ADGRB3: variants seen among roughly 807,000 people sequenced by gnomAD.
ADGRB3 encodes the protein adhesion G protein-coupled receptor B3.
ADGRB3 carries 37 observed loss-of-function variants against 193.4 expected under a neutral mutation model. That is an observed-to-expected ratio of 0.19 (90% CI 0.15 to 0.25). The LOEUF (loss-of-function observed/expected upper bound fraction) is 0.25. ADGRB3 is among the 10% of genes least tolerant of loss of function. The pLI is 1.00. For synonymous variants in ADGRB3, 690 were observed against 644.2 expected, an observed-to-expected ratio of 1.07 and a Z score of -1.08; for missense variants, 1,637 against 1,852.9, an observed-to-expected ratio of 0.88 and a Z score of 2.14.
intron 3 of ADGRB3, among the ~76,000 whole-genome samples, chr6:68,855,709 G>T (rs1330344220): frequency 6.6e-6 from 1 of 152,056 alleles, no homozygotes; most frequent in Admixed American, 6.6e-5. Context: ...CCAATATTAA[G>T]AATGTACTGG....
At chr6:68,901,916 C>A (rs1421073288) in intron 3 of ADGRB3, among the ~76,000 whole-genome samples, 1 of 151,868 alleles carries the variant, frequency 6.6e-6, no homozygotes, top group Non-Finnish European at 1.5e-5. Flanking sequence ...AACATTTGTA[C>A]ATTTTTTAAA....
chr6:69,004,254 A>G (rs1482752304), intron 11 of ADGRB3, among the ~76,000 whole-genome samples: 3 of 152,180 alleles, frequency 2.0e-5, no homozygotes, highest in Non-Finnish European at 4.4e-5. Context: ...CTAGATCTCC[A>G]AGATCGAGGT....
chr6:68,758,179 A>G (rs1766332474), intron 3 of ADGRB3, among the ~76,000 whole-genome samples: 1 of 152,076 alleles, frequency 6.6e-6, no homozygotes, highest in African/African-American at 2.4e-5. Context: ...TTAAGATTAG[A>G]GGTAATGAAT....
chr6:69,215,123 G>A (rs1245295473), intron 17 of ADGRB3, among the ~76,000 whole-genome samples: 5 of 152,120 alleles, frequency 3.3e-5, no homozygotes, highest in African/African-American at 1.2e-4. Flanking sequence ...ACATTGAGGA[G>A]ATAACATGGC....
At chr6:68,850,133 T>C (rs897761794) in intron 3 of ADGRB3, among the ~76,000 whole-genome samples, 1 of 151,114 alleles carries the variant, frequency 6.6e-6, no homozygotes, top group South Asian at 2.1e-4. Flanking sequence ...GGTCCCATAG[T>C]TTTTTTATTA....
intron 3 of ADGRB3, among the ~76,000 whole-genome samples, chr6:68,660,171 A>G (rs777732081): frequency 2.7e-5 from 4 of 150,692 alleles, no homozygotes; most frequent in African/African-American, 9.7e-5. Flanking sequence ...ATTAATGTTG[A>G]GTTGACTAGA....
At position 69,219,495 on chromosome 6, in the gene ADGRB3, G is replaced by A. The variant is rs1237257947; in HGVS notation, c.2481-13795G>A. ...TATATATATATATATATATATATAC[G>A]TGTGTGTGTATATAGGTATATATGT... On this transcript the variant is annotated intron_variant, in intron 17 of 31. Transcript: ENST00000370598. 1.2e-3 allele frequency among the ~76,000 whole-genome samples: 99 copies of A among 83,460 alleles called. 2 individuals are homozygous for A. The South Asian group carries it at 0.015, about 13-fold the overall frequency. 54.8% of individuals were successfully genotyped at this position (83,460 alleles called of 152,430 possible). A position where few individuals can be genotyped will look rare whatever the true frequency, so the allele number is the denominator to read the frequency against.
chr6:69,053,076 C>T (rs2150303906), intron 15 of ADGRB3, among the ~76,000 whole-genome samples: 1 of 152,086 alleles, frequency 6.6e-6, no homozygotes, highest in East Asian at 1.9e-4. Context: ...GTCCCAGATA[C>T]TTGGGAGGCT....
chr6:68,816,042 A>C (rs951746427), intron 3 of ADGRB3, among the ~76,000 whole-genome samples: 1 of 152,108 alleles, frequency 6.6e-6, no homozygotes, highest in African/African-American at 2.4e-5. Context: ...AATGGAATTA[A>C]GTTAAAGATC....
intron 22 of ADGRB3, among the ~76,000 whole-genome samples, chr6:69,328,438 G>A (rs958751738): frequency 6.6e-6 from 1 of 152,146 alleles, no homozygotes; most frequent in African/African-American, 2.4e-5. Context: ...TAGTGGTAGA[G>A]CTGATAAATT....
intron 3 of ADGRB3, among the ~76,000 whole-genome samples, chr6:68,829,989 A>G (rs971348751): frequency 2.0e-5 from 3 of 152,194 alleles, no homozygotes; most frequent in Non-Finnish European, 2.9e-5. Flanking sequence ...CTAAATTATC[A>G]GTGAGTAGAA....
At chr6:69,012,703 A>T (rs575581588) in intron 11 of ADGRB3, among the ~76,000 whole-genome samples, 2 of 152,120 alleles carry the variant, frequency 1.3e-5, no homozygotes, top group Non-Finnish European at 2.9e-5. Flanking sequence ...GCCAGGTACT[A>T]TTAAAACAAA....
chr6:68,819,477 A>G (rs1767706555), intron 3 of ADGRB3, among the ~76,000 whole-genome samples: 1 of 151,868 alleles, frequency 6.6e-6, no homozygotes, highest in Non-Finnish European at 1.5e-5. Context: ...GCTCTCTTTC[A>G]AACTCCCTTG....
intron 17 of ADGRB3, among the ~76,000 whole-genome samples, chr6:69,083,450 C>T (rs1429359783): frequency 6.6e-6 from 1 of 151,910 alleles, no homozygotes; most frequent in African/African-American, 2.4e-5. Context: ...AGGTGTCTGG[C>T]ACATATATCA....
intron 30 of ADGRB3, among the ~76,000 whole-genome samples, chr6:69,377,369 T>C (rs1259101851): frequency 6.6e-6 from 1 of 152,064 alleles, no homozygotes; most frequent in East Asian, 1.9e-4. Context: ...AAGTAAGTCA[T>C]AGATACCAGA....
At chr6:69,355,711 A>G in intron 27 of ADGRB3, 110 bp from the exon 28 acceptor site, 1 of 892,968 alleles carries the variant, frequency 1.1e-6, no homozygotes, top group Non-Finnish European at 1.8e-6. Flanking sequence ...AAAACAATAA[A>G]CTTGTACTGC....
intron 17 of ADGRB3, among the ~76,000 whole-genome samples, chr6:69,227,096 A>G (rs1371836083): frequency 6.6e-6 from 1 of 152,236 alleles, no homozygotes. Flanking sequence ...CAGTGATAAC[A>G]TCTCTGATAG....
chr6:69,018,152 T>A (rs1770152641), intron 12 of ADGRB3, among the ~76,000 whole-genome samples: 1 of 151,778 alleles, frequency 6.6e-6, no homozygotes, highest in Non-Finnish European at 1.5e-5. Context: ...ATATTTTGAG[T>A]TTCCTTAGAT....
chr6:69,027,652 T>C (rs934628794), intron 13 of ADGRB3, among the ~76,000 whole-genome samples: 1 of 152,156 alleles, frequency 6.6e-6, no homozygotes, highest in African/African-American at 2.4e-5. Context: ...GATATTATAA[T>C]AGACTATTTG....
Sources: allele counts gnomAD v4.1 joint callset (sites outside exome capture counted in the v4.1 genomes callset), GRCh38; gene constraint gnomAD v4.1.1; transcripts MANE v1.5; gene names NCBI Gene and HGNC (gene_info 2026-07-23, HGNC 2026-07-21).